GRIK4: variants seen among roughly 807,000 people sequenced by gnomAD.
GRIK4 encodes glutamate ionotropic receptor kainate type subunit 4, also known as glutamate receptor ionotropic, kainate 4.
A neutral mutation model predicts 104.9 loss-of-function variants in GRIK4; 40 were observed. That is an observed-to-expected ratio of 0.38 (90% CI 0.30 to 0.50). The LOEUF is 0.50. GRIK4 is among the 20% of genes least tolerant of loss of function. The probability of loss-of-function intolerance (pLI) is 0.93; values close to 1 mark genes in which losing one functional copy is unlikely to be tolerated. For missense variants in GRIK4, 1,047 were observed against 1,308.1 expected, an observed-to-expected ratio of 0.80 and a Z score of 3.08; for synonymous variants, 485 against 524.9, an observed-to-expected ratio of 0.92 and a Z score of 1.04.
chr11:120,799,755 G>A (rs1342293180), intron 3 of GRIK4, among the ~76,000 whole-genome samples: 3 of 152,238 alleles, frequency 2.0e-5, no homozygotes, highest in Admixed American at 6.5e-5. Flanking sequence ...CATGGATCCA[G>A]TGTCTGTCCA....
chr11:120,644,059 G>GGAGA (rs139179410), intron 1 of GRIK4, among the ~76,000 whole-genome samples: 130 of 121,118 alleles, frequency 1.1e-3, no homozygotes, highest in African/African-American at 4.3e-3. Context: ...GAGAGAGAGA[G>GGAGA]GAGAGAGAGA....
In GRIK4 at chr11:120,967,090, T is replaced by G; in HGVS notation, c.2267-105T>G. On this transcript the variant is annotated intron_variant, in intron 18 of 20. Coordinates refer to ENST00000527524, the MANE Select transcript of GRIK4 (RefSeq NM_014619.5). This position sits in a 1 kb window ranked among gnomAD's most constrained non-coding sequence, Gnocchi z 4.2. ...TGCATCTGTCTGTCCCCTCTCGAGG[T>G]GAAAGCAGGCAGGGTGGCCAGGAGG... 1 of 1,303,936 alleles carries G rather than the reference T, an allele frequency of 7.7e-7. No individual in the cohort carries two copies. The highest frequency in any genetic ancestry group is 2.4e-5 in the East Asian group (1 of 41,234). 80.8% of individuals were successfully genotyped at this position (1,303,936 alleles called of 1,614,324 possible).
At chr11:120,766,043 T>C (rs1951832959) in intron 3 of GRIK4, among the ~76,000 whole-genome samples, 1 of 152,236 alleles carries the variant, frequency 6.6e-6, no homozygotes, top group Non-Finnish European at 1.5e-5. Flanking sequence ...CTGCTGAAGT[T>C]GTGCCCACAG....
chr11:120,704,796 C>A (rs1332129727), intron 3 of GRIK4, among the ~76,000 whole-genome samples: 1 of 149,480 alleles, frequency 6.7e-6, no homozygotes, highest in Non-Finnish European at 1.5e-5. Flanking sequence ...ACTATAGTAT[C>A]TCTGTTGAGA....
At chr11:120,622,121 A>C (rs1356445692) in intron 1 of GRIK4, among the ~76,000 whole-genome samples, 1 of 152,022 alleles carries the variant, frequency 6.6e-6, no homozygotes, top group Non-Finnish European at 1.5e-5. Context: ...GGCTGATCTC[A>C]AACTCCTGAC....
At chr11:120,589,084 G>GC (rs143831465) in intron 1 of GRIK4, among the ~76,000 whole-genome samples, 176 of 152,336 alleles carry the variant, frequency 1.2e-3, no homozygotes, top group African/African-American at 3.9e-3. Context: ...TACCTTCTCT[G>GC]CTAAGGGTTG....
At chr11:120,665,123 G>T (rs974688327) in intron 3 of GRIK4, among the ~76,000 whole-genome samples, 3 of 151,936 alleles carry the variant, frequency 2.0e-5, no homozygotes, top group African/African-American at 7.3e-5. Flanking sequence ...AGAATTGGGG[G>T]AGACAAGGGA....
intron 3 of GRIK4, among the ~76,000 whole-genome samples, chr11:120,722,217 C>T (rs1950944992): frequency 6.6e-6 from 1 of 152,124 alleles, no homozygotes; most frequent in South Asian, 2.1e-4. Flanking sequence ...TTAAAAATTT[C>T]TTGTGTTTAT....
chr11:120,897,942 G>A lies in GRIK4; in HGVS notation c.1165-590G>A, dbSNP rs370004123. On this transcript the variant is annotated intron_variant, in intron 11 of 20. Transcript: ENST00000527524. The stretch of plus-strand genomic sequence containing the variant: ...GAGAAGCTCCGAGAAGGCAGGACAA[G>A]CATTATCATCCCCATTTATACATGG... Among the ~76,000 whole-genome samples the A allele has an allele frequency of 4.6e-5, 7 of 152,164 alleles. 1 individual carries two copies. The highest frequency in any genetic ancestry group is 1.7e-4 in the African/African-American group (7 of 41,512).
At chr11:120,537,807 A>G (rs1947993167) in intron 1 of GRIK4, among the ~76,000 whole-genome samples, 1 of 151,990 alleles carries the variant, frequency 6.6e-6, no homozygotes, top group South Asian at 2.1e-4. Context: ...GAATAAATAT[A>G]TGTTCTTCTG....
chr11:120,817,321 C>G (rs1186396336), intron 5 of GRIK4, among the ~76,000 whole-genome samples: 2 of 152,202 alleles, frequency 1.3e-5, no homozygotes, highest in Non-Finnish European at 2.9e-5. Flanking sequence ...ACTCCTCTGC[C>G]CCTGTGCCAG....
At position 120,524,914 on chromosome 11, in the gene GRIK4, C is replaced by A. The variant is rs1244904596; in HGVS notation, c.-159+13027C>A. The stretch of plus-strand genomic sequence containing the variant: ...GGATGACAGAGGTCCCTGCGGTCTG[C>A]AGGGTGAGCTGAGGTCCTAGTCCAC... On this transcript the variant is annotated intron_variant, in intron 1 of 20. Transcript: ENST00000527524. The surrounding 1 kb of genome is among the most constrained non-coding windows in gnomAD (Gnocchi z 4.5). Among the ~76,000 whole-genome samples the A allele has an allele frequency of 2.6e-5, 4 of 152,186 alleles. No homozygotes were observed. Among genetic ancestry groups the A allele is most frequent in the Non-Finnish European group, 5.9e-5 (4 of 68,026 alleles).
At chr11:120,525,925 TG>T (rs113938829) in intron 1 of GRIK4, among the ~76,000 whole-genome samples, 1 of 152,020 alleles carries the variant, frequency 6.6e-6, no homozygotes, top group Non-Finnish European at 1.5e-5. Flanking sequence ...ATGGGGACAA[TG>T]AAAAACCTAA....
intron 3 of GRIK4, among the ~76,000 whole-genome samples, chr11:120,699,819 A>G (rs1591815506): frequency 6.6e-6 from 1 of 152,174 alleles, no homozygotes; most frequent in Non-Finnish European, 1.5e-5. Flanking sequence ...CAGAGGCAGG[A>G]ATGGGCCTGG....
chr11:120,580,807 G>GT (rs1948571987), intron 1 of GRIK4, among the ~76,000 whole-genome samples: 1 of 152,106 alleles, frequency 6.6e-6, no homozygotes. Context: ...GTTCTATATG[G>GT]TAAGTGTATG....
chr11:120,848,964 T>G (rs1368315368), intron 8 of GRIK4, among the ~76,000 whole-genome samples: 1 of 152,152 alleles, frequency 6.6e-6, no homozygotes, highest in Admixed American at 6.5e-5. Flanking sequence ...CAGGGGATGT[T>G]GAGACCCTGG....
chr11:120,750,226 G>C (rs902790036), intron 3 of GRIK4, among the ~76,000 whole-genome samples: 1 of 151,668 alleles, frequency 6.6e-6, no homozygotes, highest in Non-Finnish European at 1.5e-5. Context: ...TTCTCATTTG[G>C]TCCCCGCACA....
At chr11:120,645,544 C>G (rs1485328895) in intron 1 of GRIK4, among the ~76,000 whole-genome samples, 5 of 152,180 alleles carry the variant, frequency 3.3e-5, no homozygotes, top group African/African-American at 1.2e-4. Flanking sequence ...AAAGAGGCTG[C>G]CTTCCTATGG....
chr11:120,748,868 G>A (rs564162240), intron 3 of GRIK4, among the ~76,000 whole-genome samples: 1 of 152,298 alleles, frequency 6.6e-6, no homozygotes, highest in East Asian at 1.9e-4. Context: ...AAGACCGTTA[G>A]GGAAATCTGC....
Sources: allele counts gnomAD v4.1 joint callset (sites outside exome capture counted in the v4.1 genomes callset), GRCh38; gene constraint gnomAD v4.1.1; non-coding constraint Gnocchi (gnomAD v3.1); transcripts MANE v1.5; gene names NCBI Gene and HGNC (gene_info 2026-07-23, HGNC 2026-07-21).